Variants in DOCK1 observed in about 807,000 individuals in gnomAD.
DOCK1 encodes the protein dedicator of cytokinesis protein 1.
DOCK1 carries 138 observed loss-of-function variants against 262.7 expected under a neutral mutation model. The ratio of observed to expected loss-of-function variants is 0.53; its 90% CI spans 0.46 to 0.61. The LOEUF is 0.61. Ranked by LOEUF, DOCK1 falls within the 20% of genes least tolerant of loss-of-function variation. The pLI is 0.00. For missense variants in DOCK1, 1,908 were observed against 2,370.7 expected (o/e 0.80, Z 4.05); for synonymous variants, 866 against 867.4 (o/e 1.00, Z 0.03).
chr10:127,146,986 T>A (rs1386831783), intron 27 of DOCK1, among the ~76,000 whole-genome samples: 3 of 152,350 alleles, frequency 2.0e-5, no homozygotes, highest in African/African-American at 7.2e-5. Flanking sequence ...CCAGTGTGCG[T>A]GATTTTATCT....
At chr10:127,235,152 C>T (rs904423110) in intron 27 of DOCK1, among the ~76,000 whole-genome samples, 6 of 150,478 alleles carry the variant, frequency 4.0e-5, no homozygotes, top group Non-Finnish European at 5.9e-5. Flanking sequence ...GTATAAAATA[C>T]GTATATTTTA....
At chr10:127,363,999 A>G (rs2064746350) in intron 33 of DOCK1, among the ~76,000 whole-genome samples, 1 of 152,214 alleles carries the variant, frequency 6.6e-6, no homozygotes, top group African/African-American at 2.4e-5. Flanking sequence ...AGACCTGTAC[A>G]ATCCCTAGCA....
At chr10:127,116,349 A>G (rs2049178971) in intron 25 of DOCK1, among the ~76,000 whole-genome samples, 1 of 152,152 alleles carries the variant, frequency 6.6e-6, no homozygotes, top group Non-Finnish European at 1.5e-5. Context: ...TTCAAGGTGA[A>G]TGATTCTTCT....
chr10:127,355,039 T>C (rs890335407), intron 32 of DOCK1, among the ~76,000 whole-genome samples: 1 of 152,200 alleles, frequency 6.6e-6, no homozygotes, highest in East Asian at 1.9e-4. Context: ...CAGTTCCTTC[T>C]GCGTCAAATA....
chr10:127,316,095 A>C (rs2135531632), intron 29 of DOCK1, among the ~76,000 whole-genome samples: 1 of 152,274 alleles, frequency 6.6e-6, no homozygotes, highest in Middle Eastern at 3.4e-3. Context: ...TAGTGAAGTG[A>C]TGGCTACCTT....
In DOCK1 at chr10:127,451,832, G is replaced by A; in HGVS notation, c.*405G>A. 1 of 217,110 alleles carries A rather than the reference G, an allele frequency of 4.6e-6. No homozygotes were observed. The highest frequency in any genetic ancestry group is 9.1e-6 in the Non-Finnish European group (1 of 109,854). 13.4% of individuals were successfully genotyped at this position (217,110 alleles called of 1,614,324 possible). On this transcript the variant is annotated 3_prime_UTR_variant, in exon 52 of 52. Coordinates refer to ENST00000623213, the MANE Select transcript of DOCK1 (RefSeq NM_001290223.2). The stretch of plus-strand genomic sequence containing the variant: ...TCTTAGGAAGCTGTGTAGTGATGAT[G>A]TATAAGAATCCTCCTCACTGTCATG...
chr10:127,259,439 C>T (rs1189450912), intron 29 of DOCK1, among the ~76,000 whole-genome samples: 1 of 152,190 alleles, frequency 6.6e-6, no homozygotes, highest in East Asian at 1.9e-4. Flanking sequence ...AACAAGCAAA[C>T]ACATCAGCAA....
At chr10:126,922,669 G>C (rs924829818) in intron 1 of DOCK1, among the ~76,000 whole-genome samples, 1 of 152,046 alleles carries the variant, frequency 6.6e-6, no homozygotes, top group Non-Finnish European at 1.5e-5. Context: ...GTGACTTTGG[G>C]GTTTCCTTAT....
intron 2 of DOCK1, 116 bp from the exon 3 acceptor site, chr10:126,977,832 G>T: frequency 1.0e-6 from 1 of 989,370 alleles, no homozygotes; most frequent in Non-Finnish European, 1.6e-6. Flanking sequence ...AAAAATGCTG[G>T]TGACAAACTG....
At chr10:127,159,766 G>A (rs770190128) in intron 27 of DOCK1, among the ~76,000 whole-genome samples, 44 of 152,304 alleles carry the variant, frequency 2.9e-4, no homozygotes, top group Non-Finnish European at 5.6e-4. Context: ...TGGCAGAGCT[G>A]GTGCTGCAGT....
At chr10:127,410,766 C>A in intron 42 of DOCK1, 74 bp from the exon 43 acceptor site, 1 of 1,403,968 alleles carries the variant, frequency 7.1e-7, no homozygotes, top group Non-Finnish European at 9.9e-7. Context: ...TGTTCTAAGG[C>A]CAGACCCCGT....
chr10:127,301,231 C>T (rs944698081), intron 29 of DOCK1, among the ~76,000 whole-genome samples: 4 of 152,098 alleles, frequency 2.6e-5, no homozygotes, highest in African/African-American at 7.2e-5. Flanking sequence ...GAGTGCTAGG[C>T]GGAAGTGCAG....
At chr10:127,167,539 C>T (rs1041895984) in intron 27 of DOCK1, among the ~76,000 whole-genome samples, 2 of 152,060 alleles carry the variant, frequency 1.3e-5, no homozygotes, top group African/African-American at 4.8e-5. Flanking sequence ...TATTATAAGG[C>T]AGTGGCTGAA....
chr10:127,329,327 C>T (rs1021031274), intron 29 of DOCK1, among the ~76,000 whole-genome samples: 11 of 152,140 alleles, frequency 7.2e-5, no homozygotes, highest in African/African-American at 2.7e-4. Flanking sequence ...CATAGGACAA[C>T]AGGAGGAGCC....
At chr10:127,213,227 G>A (rs1460171038) in intron 27 of DOCK1, among the ~76,000 whole-genome samples, 3 of 152,198 alleles carry the variant, frequency 2.0e-5, no homozygotes, top group African/African-American at 7.2e-5. Flanking sequence ...TTTTAAGACA[G>A]TACTTGGAAG....
intron 27 of DOCK1, among the ~76,000 whole-genome samples, chr10:127,212,213 A>G (rs984205588): frequency 1.3e-5 from 2 of 152,054 alleles, no homozygotes; most frequent in African/African-American, 4.8e-5. Flanking sequence ...GCTTTCCGTG[A>G]TGTGTCTGCT....
chr10:126,997,221 G>C (rs1018729240), intron 7 of DOCK1, among the ~76,000 whole-genome samples: 4 of 152,148 alleles, frequency 2.6e-5, no homozygotes, highest in African/African-American at 9.7e-5. Flanking sequence ...AGCTCATTGA[G>C]GGCAGAGAGT....
intron 25 of DOCK1, among the ~76,000 whole-genome samples, chr10:127,116,498 T>G (rs1350802667): frequency 6.6e-6 from 1 of 152,182 alleles, no homozygotes; most frequent in Non-Finnish European, 1.5e-5. Context: ...TTCTACACTA[T>G]TATCATTGTG....
At chr10:127,282,128 A>G (rs1173126566) in intron 29 of DOCK1, among the ~76,000 whole-genome samples, 2 of 152,202 alleles carry the variant, frequency 1.3e-5, no homozygotes, top group Non-Finnish European at 2.9e-5. Context: ...TGCGGGTTGG[A>G]CAAGCTTGGA....
Sources: allele counts gnomAD v4.1 joint callset (sites outside exome capture counted in the v4.1 genomes callset), GRCh38; gene constraint gnomAD v4.1.1; transcripts MANE v1.5; gene names NCBI Gene and HGNC (gene_info 2026-07-23, HGNC 2026-07-21).